HSPBP1: variants seen among roughly 807,000 people sequenced by gnomAD.
HSPBP1 encodes the protein HSPA (Hsp70) binding protein 1.
HSPBP1 carries 31 observed loss-of-function variants against 41.7 expected under a neutral mutation model. That is an observed-to-expected ratio of 0.74 (90% CI 0.56 to 1.00). The LOEUF is 1.00. Among genes scored for constraint, HSPBP1 ranks in the 50% least tolerant of loss-of-function variants. The pLI, the probability that HSPBP1 is intolerant of heterozygous loss-of-function variation, is 0.00. For synonymous variants in HSPBP1, 199 were observed against 214.4 expected, an observed-to-expected ratio of 0.93 and a Z score of 0.63; for missense variants, 439 against 487.9, an observed-to-expected ratio of 0.90 and a Z score of 0.94.
rs1264903814 is a variant in HSPBP1 at position 55,280,026 on chromosome 19, G to A, written c.-95+9C>T. The A allele has an allele frequency of 7.3e-6, 2 of 273,246 alleles. No homozygotes were observed. Among genetic ancestry groups the A allele is most frequent in the South Asian group, 3.3e-5 (1 of 29,974 alleles). The allele number at this position is 273,246 out of a possible 1,614,324, so 16.9% of individuals were successfully genotyped here. On this transcript the variant is annotated intron_variant, in intron 1 of 7. Coordinates refer to ENST00000433386, the MANE Select transcript of HSPBP1 (RefSeq NM_012267.5). ...CCGAAGAGGGGCGCCGGAATAAGGCGGATCTCACCTCCCCGGGTCCTCAAG... is the reference window on the plus strand; with the variant it reads ...CCGAAGAGGGGCGCCGGAATAAGGCAGATCTCACCTCCCCGGGTCCTCAAG...
rs956847727 is a variant in HSPBP1, at chr19:55,279,524, C to T, written c.85G>A (p.Gly29Ser). 16 of 1,608,372 alleles carry T rather than the reference C, an allele frequency of 9.9e-6. No homozygotes were observed. The change falls in exon 2 of 8, where the codon GGC becomes AGC. Residue 29 changes from glycine (G) to serine (S), a missense_variant. By Grantham distance (56) the Gly-to-Ser change is moderately conservative (BLOSUM62 0). Transcript: ENST00000433386. ...CCCGAGCCCCCAGCCGAGGAGCCGC[C>T]GCCGCCGCCCCCTGAAGAGCAACCC... The part of the protein sequence containing the change: ...SQGCSSGGGG[G>S]GSSAGGSGNS...
Position 55,274,470 on chromosome 19 carries a change from G to T in HSPBP1, c.568C>A (p.Arg190Ser), listed in dbSNP as rs760678461. ...QEQVLGLGAL[R>S]KLLRLLDRDA... ...CGGTCCAGCAGCCGCAGCAGCTTACGCAGGGCACCCAGGCCCAGCACCTGC... is the reference window on the plus strand; with the variant it reads ...CGGTCCAGCAGCCGCAGCAGCTTACTCAGGGCACCCAGGCCCAGCACCTGC... The change falls in exon 4 of 8, where the codon CGT becomes AGT. Residue 190 changes from arginine (R) to serine (S), a missense_variant. Coordinates refer to ENST00000433386, the MANE Select transcript of HSPBP1 (RefSeq NM_012267.5). 13 of 1,589,460 alleles carry T rather than the reference G, an allele frequency of 8.2e-6. No homozygotes were observed. In the African/African-American group the frequency reaches 1.2e-4, roughly 15 times the overall value.
chr19:55,279,390 A>G lies in HSPBP1; in HGVS notation c.210+9T>C. On this transcript the variant is annotated intron_variant, in intron 2 of 7. Transcript: ENST00000433386. ...CCTCACCCCAGCTTCTTGGGTCCCC[A>G]TCCTTTACCTCCTCACTCATCGGTT... 1 of 1,580,292 alleles carries G rather than the reference A, an allele frequency of 6.3e-7. No homozygotes were observed. The highest frequency in any genetic ancestry group is 1.4e-5 in the African/African-American group (1 of 72,346).
chr19:55,265,904 A>T lies in HSPBP1; in HGVS notation c.875T>A (p.Val292Glu). The change falls in exon 6 of 8, where the codon GTG becomes GAG. Residue 292 changes from valine (V) to glutamate (E), a missense_variant. By Grantham distance (121) the Val-to-Glu change is moderately radical. Transcript: ENST00000433386. ...RTEHSPFHEHVLGALCSLVTD... is the reference protein window; with the variant it reads ...RTEHSPFHEHELGALCSLVTD... ...AAAGTACCTGCACAGGGCTCCAAGC[A>T]CGTGCTCGTGGAAGGGGCTGTGCTC... 1 of 1,607,108 alleles carries T rather than the reference A, an allele frequency of 6.2e-7. No individual in the cohort carries two copies. The highest frequency in any genetic ancestry group is 8.5e-7 in the Non-Finnish European group (1 of 1,177,966).
Position 55,268,183 on chromosome 19 carries a change from C to A in HSPBP1, c.641-1897G>T, listed in dbSNP as rs1326205508. Among the ~76,000 whole-genome samples, 3 of 152,186 alleles carry A rather than the reference C, an allele frequency of 2.0e-5. No individual in the cohort carries two copies. On this transcript the variant is annotated intron_variant, in intron 4 of 7. Transcript: ENST00000433386. The surrounding 1 kb of genome is among the most constrained non-coding windows in gnomAD (Gnocchi z 4.5). ...CGGTGGCTCATGCCTGTAATCCCAGCACTTTGGGAGGCCGAGGTGGGCAGA... is the reference window on the plus strand; with the variant it reads ...CGGTGGCTCATGCCTGTAATCCCAGAACTTTGGGAGGCCGAGGTGGGCAGA...
At chr19:55,266,075 C>G in intron 5 of HSPBP1, 56 bp downstream of exon 5, 1 of 1,574,872 alleles carries the variant, frequency 6.3e-7, no homozygotes. Context: ...CCCACACCTG[C>G]ACCCACCCCA....
chr19:55,271,011 A>T (rs1253722735), intron 4 of HSPBP1, among the ~76,000 whole-genome samples: 2 of 148,796 alleles, frequency 1.3e-5, no homozygotes, highest in Non-Finnish European at 3.0e-5. Context: ...CCACACACCC[A>T]CTACACACAC....
chr19:55,275,542 C>T (rs574348954), intron 3 of HSPBP1, among the ~76,000 whole-genome samples: 60 of 152,326 alleles, frequency 3.9e-4, no homozygotes, highest in Non-Finnish European at 6.6e-4. Flanking sequence ...AGCCTATAAT[C>T]CCAGCACTTT....
rs555837644 is a variant in HSPBP1, at chr19:55,270,719, C to T, written c.640+3679G>A. Among the ~76,000 whole-genome samples, 77 of 151,994 alleles carry T rather than the reference C, an allele frequency of 5.1e-4. No individual in the cohort carries two copies. Among genetic ancestry groups the T allele is most frequent in the South Asian group, 3.5e-3 (17 of 4,814 alleles). On this transcript the variant is annotated intron_variant, in intron 4 of 7. Coordinates refer to ENST00000433386, the MANE Select transcript of HSPBP1 (RefSeq NM_012267.5). The surrounding 1 kb of genome is among the most constrained non-coding windows in gnomAD (Gnocchi z 5.4). ...ACACTCCACATAAGCACACACCACA[C>T]ACCCCGTATACACACACCACATCCA...
At chr19:55,278,031 G>A (rs2088123434) in intron 2 of HSPBP1, among the ~76,000 whole-genome samples, 185 bp from the exon 3 acceptor site, 1 of 152,214 alleles carries the variant, frequency 6.6e-6, no homozygotes, top group Non-Finnish European at 1.5e-5. Context: ...TAGACTGCCT[G>A]AGCTCAGGAG....
Position 55,279,811 on chromosome 19 carries a change from AG to A in HSPBP1, c.-94-110del. 2.4e-6 allele frequency: 3 copies of A among 1,262,914 alleles called. No homozygotes were observed. In the South Asian group the frequency reaches 3.9e-5, roughly 16 times the overall value. 78.2% of individuals were successfully genotyped at this position (1,262,914 alleles called of 1,614,324 possible). A position where few individuals can be genotyped will look rare whatever the true frequency, so the allele number is the denominator to read the frequency against. On this transcript the variant is annotated intron_variant, in intron 1 of 7. Transcript: ENST00000433386. ...CCCCTTTTCCTTCCTTCATACCCAC[AG>A]GACCCTTCCCCAAAGTCATAAGCCT... is the stretch of plus-strand genomic sequence containing the variant.
chr19:55,280,352 A>G (rs996661540), upstream of HSPBP1: 13 of 152,784 alleles, frequency 8.5e-5, no homozygotes, highest in African/African-American at 2.9e-4. Context: ...CAGTTTTCGC[A>G]CCTCAGCGAG....
intron 4 of HSPBP1, among the ~76,000 whole-genome samples, chr19:55,271,096 A>G (rs1459686759): frequency 6.6e-6 from 1 of 152,242 alleles, no homozygotes; most frequent in African/African-American, 2.4e-5. Flanking sequence ...AGAAACAGGT[A>G]TAACAGTGGT....
chr19:55,272,892 T>A lies in HSPBP1; in HGVS notation c.640+1506A>T, dbSNP rs2087962351. On this transcript the variant is annotated intron_variant, in intron 4 of 7. Coordinates refer to ENST00000433386, the MANE Select transcript of HSPBP1 (RefSeq NM_012267.5). The surrounding 1 kb of genome is among the most constrained non-coding windows in gnomAD (Gnocchi z 4.2). ...AAATGTTCCAAAATTAGATAGTGAC[T>A]GCCGATAGCCATACCACCCCGAACG... Among the ~76,000 whole-genome samples, 3 of 151,778 alleles carry A rather than the reference T, an allele frequency of 2.0e-5. No homozygotes were observed. The highest frequency in any genetic ancestry group is 2.0e-4 in the Admixed American group (3 of 15,246).
intron 4 of HSPBP1, among the ~76,000 whole-genome samples, chr19:55,269,501 T>A (rs1374814437): frequency 6.6e-6 from 1 of 152,130 alleles, no homozygotes. Flanking sequence ...AAGTCATCAC[T>A]GCAGCCCACA....
chr19:55,263,841 C>T (rs189993354), intron 7 of HSPBP1, among the ~76,000 whole-genome samples: 5 of 152,270 alleles, frequency 3.3e-5, no homozygotes, highest in Admixed American at 3.3e-4. Flanking sequence ...TACCCTCCTG[C>T]GGGTCTTGTA....
intron 6 of HSPBP1, 70 bp downstream of exon 6, chr19:55,265,816 C>T (rs1199813987): frequency 9.5e-7 from 1 of 1,054,890 alleles, no homozygotes; most frequent in African/African-American, 1.6e-5. Flanking sequence ...GGGCTGATTC[C>T]TGAGCCACCC....
intron 4 of HSPBP1, among the ~76,000 whole-genome samples, chr19:55,273,508 G>A (rs980884766): frequency 1.3e-5 from 2 of 152,190 alleles, no homozygotes; most frequent in Admixed American, 6.5e-5. Flanking sequence ...CCCGTGTGGA[G>A]GAGACACAGT....
At chr19:55,274,747 T>G (rs560319953) in intron 3 of HSPBP1, 125 bp from the exon 4 acceptor site, 2 of 760,052 alleles carry the variant, frequency 2.6e-6, no homozygotes, top group Non-Finnish European at 4.3e-6. Context: ...AGATGGGATC[T>G]TTAAAGAGAT....
Sources: allele counts gnomAD v4.1 joint callset (sites outside exome capture counted in the v4.1 genomes callset), GRCh38; gene constraint gnomAD v4.1.1; non-coding constraint Gnocchi (gnomAD v3.1); transcripts MANE v1.5; gene names NCBI Gene and HGNC (gene_info 2026-07-23, HGNC 2026-07-21).